CBL: variants seen among roughly 807,000 people sequenced by gnomAD.
CBL encodes the protein Cbl proto-oncogene, also known as E3 ubiquitin-protein ligase CBL.
Under a neutral mutation model 96.9 loss-of-function variants are expected in CBL, and 45 were observed. The ratio of observed to expected loss-of-function variants is 0.46; its 90% confidence interval spans 0.37 to 0.60. The LOEUF is 0.60. CBL is among the 20% of genes least tolerant of loss of function. CBL has a pLI of 0.00. For synonymous variants in CBL, 420 were observed against 426.8 expected (o/e 0.98, Z 0.20); for missense variants, 1,024 against 1,143.5 (o/e 0.90, Z 1.51).
intron 12 of CBL, among the ~76,000 whole-genome samples, chr11:119,289,327 A>G (rs748200557): frequency 6.6e-6 from 1 of 152,188 alleles, no homozygotes; most frequent in Non-Finnish European, 1.5e-5. Context: ...TTTTAGTTAT[A>G]TTTATTTGTG....
At chr11:119,239,358 ATTTTG>A (rs1203807367) in intron 2 of CBL, among the ~76,000 whole-genome samples, 1 of 151,876 alleles carries the variant, frequency 6.6e-6, no homozygotes, top group East Asian at 1.9e-4. Context: ...GTTTATTCCT[ATTTTG>A]TTCATTTTGA....
chr11:119,262,923 T>C (rs1295486435), intron 2 of CBL, among the ~76,000 whole-genome samples: 1 of 152,262 alleles, frequency 6.6e-6, no homozygotes, highest in East Asian at 1.9e-4. Flanking sequence ...CAAAGAGCCC[T>C]GGCTCTTGAA....
rs1256926080 is a variant in CBL, at chr11:119,300,526, A to G, written c.*745A>G. 2.5e-6 allele frequency: 1 copy of G among 399,988 alleles called. No homozygotes were observed. The highest frequency in any genetic ancestry group is 4.4e-6 in the Non-Finnish European group (1 of 226,774). The allele number at this position is 399,988 out of a possible 1,614,324, so 24.8% of individuals were successfully genotyped here. A position where few individuals can be genotyped will look rare whatever the true frequency, so the allele number is the denominator to read the frequency against. On this transcript the variant is annotated 3_prime_UTR_variant, in exon 16 of 16. Transcript: ENST00000264033. ...GTGTGATGGTATTGGTTTGTTTGGT[A>G]GATAAGTGGGAGGAAAAGTACTGTT...
intron 7 of CBL, 47 bp from the exon 8 acceptor site, chr11:119,278,119 G>A (rs552650210): frequency 1.4e-6 from 2 of 1,406,116 alleles, no homozygotes; most frequent in Non-Finnish European, 2.0e-6. Context: ...ATTTATAATT[G>A]CAGTTATTTA....
At position 119,272,840 on chromosome 11, in the gene CBL, C is replaced by T. The variant is rs963445077; in HGVS notation, c.590+959C>T. Among the ~76,000 whole-genome samples the T allele has an allele frequency of 7.2e-5, 11 of 152,310 alleles. No homozygotes were observed. In the South Asian group the frequency reaches 1.0e-3, roughly 14 times the overall value. Reference sequence around the variant, plus strand: ...TTACTAGTTCTTTGTTAGATACTTACATTACAAATATCTTCTCCCAGTCTG... The same window carrying T: ...TTACTAGTTCTTTGTTAGATACTTATATTACAAATATCTTCTCCCAGTCTG... On this transcript the variant is annotated intron_variant, in intron 3 of 15. Transcript: ENST00000264033.
chr11:119,290,157 T>C (rs1271185764), intron 12 of CBL, among the ~76,000 whole-genome samples: 1 of 152,040 alleles, frequency 6.6e-6, no homozygotes, highest in Non-Finnish European at 1.5e-5. Flanking sequence ...GTGATCCTCC[T>C]GCCTCAGCCT....
In CBL at chr11:119,304,412, T is replaced by C; in HGVS notation, c.*4631T>C. On this transcript the variant is annotated 3_prime_UTR_variant, in exon 16 of 16. Transcript: ENST00000264033. ...CGGAATAAAGGAGGGAGTGGAGTTG[T>C]GGTAAGGATGCAGGGTATTTCGCAG... The C allele has an allele frequency of 4.3e-6, 1 of 233,058 alleles. No individual in the cohort carries two copies. Among genetic ancestry groups the C allele is most frequent in the Non-Finnish European group, 8.5e-6 (1 of 118,026 alleles). The allele number at this position is 233,058 out of a possible 1,614,324, so 14.4% of individuals were successfully genotyped here. A position where few individuals can be genotyped will look rare whatever the true frequency, so the allele number is the denominator to read the frequency against.
chr11:119,252,726 A>T (rs1326083779), intron 2 of CBL, among the ~76,000 whole-genome samples: 1 of 151,432 alleles, frequency 6.6e-6, no homozygotes. Flanking sequence ...ACAAACAAAA[A>T]AACTTAGCTG....
Position 119,232,461 on chromosome 11 carries a change from G to A in CBL, c.209G>A (p.Cys70Tyr). 1.9e-6 allele frequency: 3 copies of A among 1,613,786 alleles called. No individual in the cohort carries two copies. The highest frequency in any genetic ancestry group is 2.5e-6 in the Non-Finnish European group (3 of 1,180,000). ...WKLMDKVVRL[C>Y]QNPKLALKNS... ...CATTTGTTGCAGGTGGTGCGGTTGT[G>A]TCAGAACCCAAAGCTGGCGCTAAAG... Residue 70 changes from cysteine to tyrosine, a missense_variant, in exon 2 of 16, where the codon TGT (cysteine) becomes TAT (tyrosine). By Grantham distance (194) the Cys-to-Tyr change is radical. Coordinates refer to ENST00000264033, the MANE Select transcript of CBL (RefSeq NM_005188.4).
rs2135304570 is a variant in CBL at position 119,278,575 on chromosome 11, A to G, written c.1293A>G (p.Val431=). The change falls in exon 9 of 16, where the codon GTA becomes GTG. Residue 431 remains valine, a synonymous_variant. Transcript: ENST00000264033. ...CEIKGTEPIV[V]DPFDPRGSGS... is the part of the protein sequence containing the mutation. ...TTAAAGGTACTGAACCCATCGTGGT[A>G]GATCCGTTTGATCCTAGAGGGAGTG... The G allele has an allele frequency of 6.2e-7, 1 of 1,614,178 alleles. No individual in the cohort carries two copies. The highest frequency in any genetic ancestry group is 8.5e-7 in the Non-Finnish European group (1 of 1,180,022).
At chr11:119,264,763 A>G (rs1405654491) in intron 2 of CBL, among the ~76,000 whole-genome samples, 1 of 151,858 alleles carries the variant, frequency 6.6e-6, no homozygotes, top group Non-Finnish European at 1.5e-5. Flanking sequence ...GATTACAGGC[A>G]TAAGGCACCA....
chr11:119,232,415 CAAGT>C, intron 1 of CBL, 29 bp from the exon 2 acceptor site: 3 of 1,610,052 alleles, frequency 1.9e-6, no homozygotes, highest in Non-Finnish European at 1.7e-6. Flanking sequence ...TAAAATTCTC[CAAGT>C]AATAGCCCTT....
At chr11:119,289,734 C>T (rs890253791) in intron 12 of CBL, 4 of 152,036 alleles carry the variant, frequency 2.6e-5, no homozygotes, top group Non-Finnish European at 5.9e-5. Context: ...TCTTGACTTA[C>T]TAGAGTTTGT....
At chr11:119,275,055 C>T in intron 5 of CBL, 102 bp downstream of exon 5, 2 of 1,164,488 alleles carry the variant, frequency 1.7e-6, no homozygotes, top group Non-Finnish European at 2.6e-6. Context: ...TCGCAATAGC[C>T]AAGGTTCTGC....
chr11:119,249,059 A>T (rs550578903), intron 2 of CBL, among the ~76,000 whole-genome samples: 9 of 152,326 alleles, frequency 5.9e-5, no homozygotes, highest in African/African-American at 2.2e-4. Context: ...CTGAACATAG[A>T]ATTACCATAG....
chr11:119,277,266 C>CACACACACACACACACACAT (rs1555229986), intron 6 of CBL, among the ~76,000 whole-genome samples: 2 of 151,768 alleles, frequency 1.3e-5, no homozygotes, highest in Non-Finnish European at 1.5e-5. Flanking sequence ...CACACACACA[C>CACACACACACACACACACAT]ACACATAAAG....
At chr11:119,216,244 T>C (rs1472759228) in intron 1 of CBL, among the ~76,000 whole-genome samples, 2 of 152,234 alleles carry the variant, frequency 1.3e-5, no homozygotes, top group Admixed American at 1.3e-4. Flanking sequence ...GGATCTGCCA[T>C]GGAGGAAGGA....
At chr11:119,212,192 A>G (rs1949323929) in intron 1 of CBL, among the ~76,000 whole-genome samples, 1 of 152,114 alleles carries the variant, frequency 6.6e-6, no homozygotes, top group Non-Finnish European at 1.5e-5. Context: ...GTGAGCCACC[A>G]CGCCCAGCCT....
chr11:119,264,442 TTTCTCTTCTC>T (rs1555228884), intron 2 of CBL, among the ~76,000 whole-genome samples: 10 of 44,346 alleles, frequency 2.3e-4, no homozygotes, highest in Admixed American at 3.2e-4. Flanking sequence ...TCTTCTCTTC[TTTCTCTTCTC>T]TTCTCTTCTC....
Sources: gnomAD v4.1 joint callset for allele counts (sites outside exome capture counted in the v4.1 genomes callset) on GRCh38, gnomAD v4.1.1 for gene constraint, MANE v1.5 for transcripts, NCBI Gene and HGNC (gene_info 2026-07-23, HGNC 2026-07-21) for gene names.